GRIP1: variants seen among roughly 807,000 people sequenced by gnomAD.
The protein encoded by GRIP1 is glutamate receptor interacting protein 1, also known as glutamate receptor-interacting protein 1.
Under a neutral mutation model 129.9 loss-of-function variants are expected in GRIP1, and 45 were observed. The observed-to-expected ratio is 0.35, with a 90% CI of 0.27 to 0.44. The LOEUF (loss-of-function observed/expected upper bound fraction) is 0.44. GRIP1 is among the 20% of genes least tolerant of loss of function. GRIP1 has a pLI of 1.00. For synonymous variants in GRIP1, 530 were observed against 520.8 expected (o/e 1.02, Z -0.24); for missense variants, 1,196 against 1,396.8 (o/e 0.86, Z 2.29).
At chr12:66,880,849 C>T (rs1159199488) in intron 1 of GRIP1, among the ~76,000 whole-genome samples, 2 of 152,076 alleles carry the variant, frequency 1.3e-5, no homozygotes, top group African/African-American at 2.4e-5. Context: ...GTTAATGTTT[C>T]CTAAGGTTCA....
intron 1 of GRIP1, among the ~76,000 whole-genome samples, chr12:66,916,734 A>C (rs906355397): frequency 4.6e-5 from 7 of 152,136 alleles, no homozygotes; most frequent in Non-Finnish European, 1.0e-4. Flanking sequence ...TAAGAAAAAA[A>C]CAGCCAAGAA....
chr12:66,710,445 T>C (rs2035676870), intron 1 of GRIP1, among the ~76,000 whole-genome samples: 1 of 152,012 alleles, frequency 6.6e-6, no homozygotes, highest in Non-Finnish European at 1.5e-5. Flanking sequence ...TTTCACATCT[T>C]GAAAATGTCT....
chr12:66,577,313 A>C (rs911963607), intron 2 of GRIP1, among the ~76,000 whole-genome samples: 8 of 152,220 alleles, frequency 5.3e-5, no homozygotes, highest in Admixed American at 4.6e-4. Flanking sequence ...GATGTAAAAA[A>C]GCAGGGGTTA....
intron 1 of GRIP1, among the ~76,000 whole-genome samples, chr12:66,929,056 C>T (rs539968970): frequency 1.8e-4 from 27 of 152,322 alleles, no homozygotes; most frequent in African/African-American, 4.3e-4. Flanking sequence ...GAGAACAGAA[C>T]CAAGCCTCAT....
chr12:66,711,851 G>A (rs1334207591), intron 1 of GRIP1, among the ~76,000 whole-genome samples: 2 of 151,874 alleles, frequency 1.3e-5, no homozygotes. Context: ...CAAGCTGCGT[G>A]AACACTATGG....
chr12:66,922,643 A>G (rs2041232056), intron 1 of GRIP1, among the ~76,000 whole-genome samples: 1 of 152,234 alleles, frequency 6.6e-6, no homozygotes, highest in Non-Finnish European at 1.5e-5. Context: ...TGTGCTTAAG[A>G]GTATCCAAAC....
At position 66,956,278 on chromosome 12, in the gene GRIP1, T is replaced by C. The variant is rs58899834; in HGVS notation, c.58+112772A>G. Among the ~76,000 whole-genome samples, 582 of 152,326 alleles carry C rather than the reference T, an allele frequency of 3.8e-3. 5 individuals carry two copies. The highest frequency in any genetic ancestry group is 0.014 in the African/African-American group (562 of 41,584). The stretch of plus-strand genomic sequence containing the variant: ...GAAGCAAATTGATCAGGTATTCCAC[T>C]GGAGGTCCCTCGATTGGGGTTTTCG... On this transcript the variant is annotated intron_variant, in intron 1 of 1. Transcript: ENST00000643019.
intron 1 of GRIP1, among the ~76,000 whole-genome samples, chr12:66,986,620 T>C (rs1053082946): frequency 7.7e-5 from 11 of 142,950 alleles, no homozygotes; most frequent in South Asian, 2.3e-4. Context: ...TAGGTGGGAA[T>C]TGAACAGTGA....
At chr12:66,363,020 T>C (rs1447027468) in intron 23 of GRIP1, among the ~76,000 whole-genome samples, 2 of 151,272 alleles carry the variant, frequency 1.3e-5, no homozygotes, top group African/African-American at 2.5e-5. Context: ...CGACAAGTTA[T>C]TGGGCAGCTT....
chr12:66,467,617 C>T (rs1012176179), intron 7 of GRIP1, among the ~76,000 whole-genome samples: 13 of 152,154 alleles, frequency 8.5e-5, no homozygotes, highest in Non-Finnish European at 1.8e-4. Context: ...TTAGTTTTGC[C>T]CACCTCTCAA....
chr12:66,846,970 TG>T (rs1477746710), intron 1 of GRIP1, among the ~76,000 whole-genome samples: 2 of 152,138 alleles, frequency 1.3e-5, no homozygotes, highest in African/African-American at 4.8e-5. Flanking sequence ...CCTGGTTGTC[TG>T]GCATCTGGCC....
intron 1 of GRIP1, among the ~76,000 whole-genome samples, chr12:66,924,659 G>A (rs1302517841): frequency 6.6e-6 from 1 of 152,134 alleles, no homozygotes; most frequent in Non-Finnish European, 1.5e-5. Context: ...TCACTCATAA[G>A]AGAAGCCAGA....
chr12:66,722,822 A>G (rs986915834), intron 1 of GRIP1, among the ~76,000 whole-genome samples: 2 of 152,196 alleles, frequency 1.3e-5, no homozygotes, highest in African/African-American at 4.8e-5. Flanking sequence ...GGTAAATGAT[A>G]TGAAGATAAT....
chr12:66,609,616 G>T (rs2064701420), intron 1 of GRIP1, among the ~76,000 whole-genome samples: 1 of 152,000 alleles, frequency 6.6e-6, no homozygotes, highest in South Asian at 2.1e-4. Flanking sequence ...ACTCTCCTTG[G>T]GTTATGTCTA....
chr12:66,667,022 G>T (rs537210979), intron 1 of GRIP1, among the ~76,000 whole-genome samples: 1 of 151,912 alleles, frequency 6.6e-6, no homozygotes, highest in South Asian at 2.1e-4. Context: ...ATTTGTTTAT[G>T]TCTTTGTTTA....
chr12:66,977,413 T>C (rs1027232133), intron 1 of GRIP1, among the ~76,000 whole-genome samples: 3 of 152,142 alleles, frequency 2.0e-5, no homozygotes, highest in Non-Finnish European at 4.4e-5. Flanking sequence ...TTAACTTCTT[T>C]TAAAATGTAA....
chr12:66,984,528 A>T (rs2042283098), intron 1 of GRIP1, among the ~76,000 whole-genome samples: 3 of 152,196 alleles, frequency 2.0e-5, no homozygotes, highest in Admixed American at 2.0e-4. Flanking sequence ...TACATGTACT[A>T]ACTCATTTAA....
At chr12:66,799,856 C>A (rs2038808083) in intron 1 of GRIP1, among the ~76,000 whole-genome samples, 1 of 152,082 alleles carries the variant, frequency 6.6e-6, no homozygotes, top group South Asian at 2.1e-4. Flanking sequence ...CACACCACAG[C>A]CTAAAAATTA....
intron 1 of GRIP1, among the ~76,000 whole-genome samples, chr12:66,874,523 G>A (rs893045243): frequency 1.3e-5 from 2 of 152,024 alleles, no homozygotes; most frequent in African/African-American, 4.8e-5. Context: ...CTGGCTTATG[G>A]TTATGCAGGA....
Sources: gnomAD v4.1 joint callset for allele counts (sites outside exome capture counted in the v4.1 genomes callset) on GRCh38, gnomAD v4.1.1 for gene constraint, MANE v1.5 for transcripts, NCBI Gene and HGNC (gene_info 2026-07-23, HGNC 2026-07-21) for gene names.